RASGRF1: variants seen among roughly 807,000 people sequenced by gnomAD.
RASGRF1 encodes Ras protein specific guanine nucleotide releasing factor 1.
A neutral mutation model predicts 138.7 loss-of-function variants in RASGRF1; 40 were observed. The ratio of observed to expected loss-of-function variants is 0.29; its 90% CI spans 0.22 to 0.38. The LOEUF (loss-of-function observed/expected upper bound fraction) is 0.38. RASGRF1 is among the 10% of genes least tolerant of loss of function. The pLI is 1.00. For missense variants in RASGRF1, 1,108 were observed against 1,650.4 expected (o/e 0.67, Z 5.69); for synonymous variants, 614 against 663.2 (o/e 0.93, Z 1.14).
rs893192230 is a variant in RASGRF1 at position 78,961,870 on chromosome 15, C to G, written c.*274G>C. 1.4e-5 allele frequency: 5 copies of G among 351,168 alleles called. No individual in the cohort carries two copies. Among genetic ancestry groups the G allele is most frequent in the Non-Finnish European group, 2.1e-5 (4 of 190,352 alleles). The allele number at this position is 351,168 out of a possible 1,614,324, so 21.8% of individuals were successfully genotyped here. On this transcript the variant is annotated 3_prime_UTR_variant, in exon 27 of 27. Coordinates refer to ENST00000558480, the MANE Select transcript of RASGRF1 (RefSeq NM_001145648.3). ...TGTATGCAAGGGTGCTGTTTCCCCT[C>G]TGAGAAGAGTGAGGAGTCTAGGGAA...
intron 1 of RASGRF1, among the ~76,000 whole-genome samples, chr15:79,072,120 C>A (rs192003504): frequency 2.0e-4 from 30 of 152,240 alleles, no homozygotes; most frequent in Non-Finnish European, 2.8e-4. Flanking sequence ...AGCTCCAAAG[C>A]CTCAGTCAGG....
chr15:79,054,534 C>T (rs1045744967), intron 3 of RASGRF1, among the ~76,000 whole-genome samples: 8 of 152,198 alleles, frequency 5.3e-5, no homozygotes, highest in South Asian at 2.1e-4. Flanking sequence ...GGCACAGTCA[C>T]GTGACTTGCT....
At chr15:79,001,898 T>C in intron 15 of RASGRF1, 111 bp from the exon 16 acceptor site, 3 of 743,004 alleles carry the variant, frequency 4.0e-6, no homozygotes, top group Non-Finnish European at 3.7e-6. Flanking sequence ...CAGAGTAAAC[T>C]TGGGATACAG....
chr15:78,972,610 C>G (rs141926735), intron 25 of RASGRF1, among the ~76,000 whole-genome samples: 4 of 152,084 alleles, frequency 2.6e-5, no homozygotes, highest in African/African-American at 9.7e-5. Flanking sequence ...GCACAAGACA[C>G]GATGAAAAGC....
At chr15:79,075,129 A>G (rs148639456) in intron 1 of RASGRF1, among the ~76,000 whole-genome samples, 80 of 152,250 alleles carry the variant, frequency 5.3e-4, no homozygotes, top group African/African-American at 1.6e-3. Context: ...TCCCCGGGTG[A>G]TTCCAATGGG....
intron 19 of RASGRF1, among the ~76,000 whole-genome samples, chr15:78,996,776 C>T (rs2056403566): frequency 6.6e-6 from 1 of 152,186 alleles, no homozygotes; most frequent in African/African-American, 2.4e-5. Flanking sequence ...ACACTCTGGC[C>T]TCTGTACTGA....
chr15:79,050,315 G>A lies in RASGRF1; in HGVS notation c.532-727C>T, dbSNP rs2057413435. Among the ~76,000 whole-genome samples the A allele has an allele frequency of 6.6e-6, 1 of 152,208 alleles. No homozygotes were observed. The highest frequency in any genetic ancestry group is 1.5e-5 in the Non-Finnish European group (1 of 68,042). Reference sequence around the variant, plus strand: ...GTCCTCAAGTTTCTTCCATGTTGCAGCGTGGGTCAATTTCCTTCCCTTTCA... The same window carrying A: ...GTCCTCAAGTTTCTTCCATGTTGCAACGTGGGTCAATTTCCTTCCCTTTCA... On this transcript the variant is annotated intron_variant, in intron 3 of 26. Coordinates refer to ENST00000558480, the MANE Select transcript of RASGRF1 (RefSeq NM_001145648.3). This position sits in a 1 kb window ranked among gnomAD's most constrained non-coding sequence, Gnocchi z 4.1.
chr15:79,022,947 G>C (rs2056982475), intron 10 of RASGRF1, among the ~76,000 whole-genome samples: 1 of 152,330 alleles, frequency 6.6e-6, no homozygotes, highest in Non-Finnish European at 1.5e-5. Context: ...GGCCGAGGCA[G>C]GCGGATCACA....
chr15:79,047,445 C>T (rs1453519029), intron 4 of RASGRF1, among the ~76,000 whole-genome samples: 1 of 152,214 alleles, frequency 6.6e-6, no homozygotes, highest in Non-Finnish European at 1.5e-5. Flanking sequence ...CAGGGCCTTG[C>T]TGGGCACAGC....
At chr15:78,997,561 C>T (rs915823135) in intron 19 of RASGRF1, among the ~76,000 whole-genome samples, 2 of 151,798 alleles carry the variant, frequency 1.3e-5, no homozygotes, top group African/African-American at 2.4e-5. Context: ...GGTGAAACCC[C>T]GTCTCTACTA....
rs943852983 is a variant in RASGRF1 at position 78,999,675 on chromosome 15, G to C, written c.2746+68C>G. The C allele has an allele frequency of 2.6e-5, 40 of 1,555,388 alleles. 1 individual carries two copies. The African/African-American group carries it at 4.6e-4, about 18-fold the overall frequency. On this transcript the variant is annotated intron_variant, in intron 17 of 26. Coordinates refer to ENST00000558480, the MANE Select transcript of RASGRF1 (RefSeq NM_001145648.3). Reference sequence around the variant, plus strand: ...CAGCAGAGCAAGTCCCCGGGACCATGGCTGCTATCACCTGCCACTGGGGCT... The same window carrying C: ...CAGCAGAGCAAGTCCCCGGGACCATCGCTGCTATCACCTGCCACTGGGGCT...
At chr15:79,026,542 C>T (rs192168862) in intron 9 of RASGRF1, among the ~76,000 whole-genome samples, 1 of 152,144 alleles carries the variant, frequency 6.6e-6, no homozygotes, top group Non-Finnish European at 1.5e-5. Flanking sequence ...CCCCAGAACC[C>T]CCTGTACGTC....
chr15:79,046,211 A>C lies in RASGRF1; in HGVS notation c.878+535T>G, dbSNP rs969607905. On this transcript the variant is annotated intron_variant, in intron 5 of 26. Coordinates refer to ENST00000558480, the MANE Select transcript of RASGRF1 (RefSeq NM_001145648.3). The surrounding 1 kb of genome is among the most constrained non-coding windows in gnomAD (Gnocchi z 5.3). ...AGGCACCTGAGAATTCTAAGTTTCAACCTGGCCTCCAGGTCATTATGATGG... is the reference window on the plus strand; with the variant it reads ...AGGCACCTGAGAATTCTAAGTTTCACCCTGGCCTCCAGGTCATTATGATGG... Among the ~76,000 whole-genome samples, 1 of 152,194 alleles carries C rather than the reference A, an allele frequency of 6.6e-6. No individual in the cohort carries two copies. Among genetic ancestry groups the C allele is most frequent in the African/African-American group, 2.4e-5 (1 of 41,446 alleles).
At chr15:79,040,293 C>T (rs2057279833) in intron 5 of RASGRF1, among the ~76,000 whole-genome samples, 1 of 152,154 alleles carries the variant, frequency 6.6e-6, no homozygotes, top group Non-Finnish European at 1.5e-5. Flanking sequence ...TGTCTTCTGT[C>T]TGTTGCATCT....
chr15:78,966,710 G>A (rs932570324), intron 26 of RASGRF1, among the ~76,000 whole-genome samples: 1 of 152,002 alleles, frequency 6.6e-6, no homozygotes, highest in Non-Finnish European at 1.5e-5. Context: ...CCCCTTCTCA[G>A]CCACCAGGCC....
chr15:79,065,437 T>A (rs1397912635), intron 1 of RASGRF1, among the ~76,000 whole-genome samples: 2 of 151,766 alleles, frequency 1.3e-5, no homozygotes, highest in Non-Finnish European at 2.9e-5. Flanking sequence ...GGGGTGCAGC[T>A]GAGAGGAGGA....
At chr15:79,020,138 AG>A (rs2056940016) in intron 10 of RASGRF1, 34 bp from the exon 11 acceptor site, 1 of 1,604,552 alleles carries the variant, frequency 6.2e-7, no homozygotes, top group African/African-American at 1.3e-5. Flanking sequence ...CTTTGGATTG[AG>A]GGGTAGATAT....
chr15:79,058,502 C>G, intron 2 of RASGRF1, 21 bp from the exon 3 acceptor site: 1 of 1,611,642 alleles, frequency 6.2e-7, no homozygotes, highest in Non-Finnish European at 8.5e-7. Flanking sequence ...ATGGACATGG[C>G]AGGTAAGATG....
intron 3 of RASGRF1, among the ~76,000 whole-genome samples, chr15:79,052,669 G>T (rs1339682889): frequency 7.2e-5 from 11 of 152,220 alleles, no homozygotes; most frequent in Admixed American, 7.2e-4. Flanking sequence ...AAGTGGCAAG[G>T]CTCCCCAGGA....
Sources: gnomAD v4.1 joint callset for allele counts (sites outside exome capture counted in the v4.1 genomes callset) on GRCh38, gnomAD v4.1.1 for gene constraint, Gnocchi (gnomAD v3.1) non-coding constraint, MANE v1.5 for transcripts, NCBI Gene and HGNC (gene_info 2026-07-23, HGNC 2026-07-21) for gene names.